The following UBASH3B variants were observed in gnomAD, a reference collection of about 807,000 sequenced individuals.
UBASH3B encodes the protein ubiquitin associated and SH3 domain containing B, also known as ubiquitin-associated and SH3 domain-containing protein B.
Under a neutral mutation model 83.4 loss-of-function variants are expected in UBASH3B, and 37 were observed. That is an observed-to-expected ratio of 0.44 (90% confidence interval 0.34 to 0.58). The LOEUF is 0.58. UBASH3B is among the 20% of genes least tolerant of loss of function. UBASH3B has a pLI of 0.01. For synonymous variants in UBASH3B, 304 were observed against 318.3 expected, an observed-to-expected ratio of 0.96 and a Z score of 0.48; for missense variants, 657 against 827.2, an observed-to-expected ratio of 0.79 and a Z score of 2.52.
intron 4 of UBASH3B, 109 bp from the exon 5 acceptor site, chr11:122,782,944 A>T: frequency 7.6e-7 from 1 of 1,316,030 alleles, no homozygotes; most frequent in Non-Finnish European, 1.0e-6. Context: ...CTTCTTTGTT[A>T]TGTGGGAAGC....
rs921485490 is a variant in UBASH3B, at chr11:122,758,692, C to T, written c.162-17527C>T. On this transcript the variant is annotated intron_variant, in intron 1 of 13. Transcript: ENST00000284273. The surrounding 1 kb of genome is among the most constrained non-coding windows in gnomAD (Gnocchi z 4.2). The stretch of plus-strand genomic sequence containing the variant: ...ATAAGTAGATGCACCTGCCACTCCA[C>T]GCCACTCTACTCCCTCCCTTAAGTT... Among the ~76,000 whole-genome samples, 2 of 152,208 alleles carry T rather than the reference C, an allele frequency of 1.3e-5. No individual in the cohort carries two copies. Among genetic ancestry groups the T allele is most frequent in the Non-Finnish European group, 2.9e-5 (2 of 68,040 alleles).
At chr11:122,734,546 C>G (rs1225719626) in intron 1 of UBASH3B, among the ~76,000 whole-genome samples, 1 of 152,140 alleles carries the variant, frequency 6.6e-6, no homozygotes, top group Non-Finnish European at 1.5e-5. Flanking sequence ...GGTGAGCACA[C>G]TGTAATCTGG....
intron 1 of UBASH3B, among the ~76,000 whole-genome samples, chr11:122,693,880 A>G (rs965602125): frequency 6.6e-6 from 1 of 152,132 alleles, no homozygotes; most frequent in East Asian, 1.9e-4. Flanking sequence ...CGAAAAAAAT[A>G]AAAATAAGAA....
At chr11:122,698,180 A>T (rs1426812027) in intron 1 of UBASH3B, among the ~76,000 whole-genome samples, 1 of 152,152 alleles carries the variant, frequency 6.6e-6, no homozygotes, top group Non-Finnish European at 1.5e-5. Context: ...TACCTGGCAG[A>T]TCTCTTCTCT....
At chr11:122,776,408 T>C in intron 2 of UBASH3B, 136 bp downstream of exon 2, 1 of 759,638 alleles carries the variant, frequency 1.3e-6, no homozygotes, top group Non-Finnish European at 2.0e-6. Flanking sequence ...GGCAAGTGCG[T>C]TTATCAAGTC....
intron 1 of UBASH3B, among the ~76,000 whole-genome samples, chr11:122,744,800 G>A (rs985787538): frequency 6.6e-6 from 1 of 152,120 alleles, no homozygotes; most frequent in Non-Finnish European, 1.5e-5. Flanking sequence ...GTGTGTGACT[G>A]TGTGATCGTG....
intron 1 of UBASH3B, among the ~76,000 whole-genome samples, chr11:122,712,241 A>C (rs893978878): frequency 1.3e-5 from 2 of 152,176 alleles, no homozygotes; most frequent in African/African-American, 4.8e-5. Context: ...CTGGAAGATA[A>C]GTTTATGAGC....
At position 122,806,609 on chromosome 11, in the gene UBASH3B, GC is replaced by G. The variant is rs1271630535; in HGVS notation, c.1702+94del. ...ATTCAAGATGTTTCAACTTGCTTTG[GC>G]TAACCAAAGAAATGTATTTCCAGAT... On this transcript the variant is annotated intron_variant, in intron 12 of 13. Transcript: ENST00000284273. This position sits in a 1 kb window ranked among gnomAD's most constrained non-coding sequence, Gnocchi z 4.0. The G allele has an allele frequency of 4.4e-6, 6 of 1,369,448 alleles. No individual in the cohort carries two copies. In the East Asian group the frequency reaches 1.5e-4, roughly 33 times the overall value. 84.8% of individuals were successfully genotyped at this position (1,369,448 alleles called of 1,614,324 possible).
chr11:122,688,417 C>T lies in UBASH3B; in HGVS notation c.161+32207C>T, dbSNP rs184492823. ...TAGCTGGGACTACAGGCACATGCCA[C>T]CACACCGCTAATTTTGGGGTTTTGT... On this transcript the variant is annotated intron_variant, in intron 1 of 13. Coordinates refer to ENST00000284273, the MANE Select transcript of UBASH3B (RefSeq NM_032873.5). 6.0e-5 allele frequency among the ~76,000 whole-genome samples: 9 copies of T among 150,744 alleles called. 1 individual carries two copies. Among genetic ancestry groups the T allele is most frequent in the Admixed American group, 6.6e-5 (1 of 15,074 alleles).
chr11:122,778,595 TTTTTTC>T lies in UBASH3B; in HGVS notation c.403-890_403-885del, dbSNP rs1255113917. Among the ~76,000 whole-genome samples the T allele has an allele frequency of 6.2e-3, 947 of 151,584 alleles. 6 individuals are homozygous for T. The highest frequency in any genetic ancestry group is 0.022 in the African/African-American group (899 of 41,144). The stretch of plus-strand genomic sequence containing the variant: ...CACAAGCAAGGAGAACTTTGATTTT[TTTTTTC>T]TTTTTCTTTTTTTTTTTTATGGATA... On this transcript the variant is annotated intron_variant, in intron 3 of 13. Transcript: ENST00000284273.
At chr11:122,773,737 T>C (rs1860686322) in intron 1 of UBASH3B, among the ~76,000 whole-genome samples, 2 of 152,222 alleles carry the variant, frequency 1.3e-5, no homozygotes, top group African/African-American at 4.8e-5. Flanking sequence ...ATTTTTTCTT[T>C]GAACTCTTTC....
intron 1 of UBASH3B, among the ~76,000 whole-genome samples, chr11:122,739,574 T>C (rs1264136063): frequency 6.6e-6 from 1 of 152,218 alleles, no homozygotes; most frequent in African/African-American, 2.4e-5. Flanking sequence ...TGGTCGGGTA[T>C]TGGAATGTCT....
chr11:122,708,029 G>A (rs1240082117), intron 1 of UBASH3B, among the ~76,000 whole-genome samples: 2 of 152,020 alleles, frequency 1.3e-5, no homozygotes, highest in South Asian at 2.1e-4. Context: ...TGAATACTAC[G>A]ATAGAGTTCT....
chr11:122,806,394 C>T lies in UBASH3B; in HGVS notation c.1596-16C>T. The T allele has an allele frequency of 1.3e-6, 2 of 1,584,520 alleles. No homozygotes were observed. The highest frequency in any genetic ancestry group is 1.7e-6 in the Non-Finnish European group (2 of 1,168,594). On this transcript the variant is annotated splice_polypyrimidine_tract_variant and intron_variant, in intron 11 of 13. Transcript: ENST00000284273. This position sits in a 1 kb window ranked among gnomAD's most constrained non-coding sequence, Gnocchi z 4.0. ...TCAAAATGTTTTCATTTCCTTTGTT[C>T]ATTTTTCTATTACAGACCTCACATT...
In UBASH3B at chr11:122,810,858, G is replaced by C. The variant is rs999031355; in HGVS notation, c.*972G>C. The C allele has an allele frequency of 6.6e-6, 1 of 152,166 alleles. No homozygotes were observed. Among genetic ancestry groups the C allele is most frequent in the Non-Finnish European group, 1.5e-5 (1 of 68,032 alleles). The allele number at this position is 152,166 out of a possible 1,614,324, so 9.4% of individuals were successfully genotyped here. A position where few individuals can be genotyped will look rare whatever the true frequency, so the allele number is the denominator to read the frequency against. On this transcript the variant is annotated 3_prime_UTR_variant, in exon 14 of 14. Coordinates refer to ENST00000284273, the MANE Select transcript of UBASH3B (RefSeq NM_032873.5). ...AGTTCATTCTGTGCAATATGGACAT[G>C]TTTGCAAACCATACCAAGGGTCAGG...
intron 1 of UBASH3B, among the ~76,000 whole-genome samples, chr11:122,674,494 C>T (rs1311162864): frequency 6.6e-6 from 1 of 151,130 alleles, no homozygotes; most frequent in Non-Finnish European, 1.5e-5. Context: ...CATTCTCCTG[C>T]CTCAGCCTCC....
intron 1 of UBASH3B, among the ~76,000 whole-genome samples, chr11:122,763,744 A>T (rs1273354431): frequency 2.0e-5 from 3 of 152,172 alleles, no homozygotes; most frequent in South Asian, 2.1e-4. Flanking sequence ...CTGATTCTGA[A>T]ATTGAGTCTT....
At chr11:122,739,542 C>A (rs1860991246) in intron 1 of UBASH3B, among the ~76,000 whole-genome samples, 1 of 152,158 alleles carries the variant, frequency 6.6e-6, no homozygotes, top group African/African-American at 2.4e-5. Context: ...CCTGACAGCT[C>A]CATGCTGTTG....
At chr11:122,784,971 CCTT>C (rs951731810) in intron 5 of UBASH3B, among the ~76,000 whole-genome samples, 1 of 152,066 alleles carries the variant, frequency 6.6e-6, no homozygotes, top group Non-Finnish European at 1.5e-5. Flanking sequence ...TGGTTGGACT[CCTT>C]CTGAGGGCAA....
Sources: allele counts gnomAD v4.1 joint callset (sites outside exome capture counted in the v4.1 genomes callset), GRCh38; gene constraint gnomAD v4.1.1; non-coding constraint Gnocchi (gnomAD v3.1); transcripts MANE v1.5; gene names NCBI Gene and HGNC (gene_info 2026-07-23, HGNC 2026-07-21).